MNS1: variants seen among roughly 807,000 people sequenced by gnomAD.
MNS1 encodes the protein meiosis specific nuclear structural 1.
MNS1 carries 63 observed loss-of-function variants against 72.0 expected under a neutral mutation model. The observed-to-expected ratio is 0.87, with a 90% CI of 0.71 to 1.08. MNS1 has a LOEUF of 1.08. MNS1 is among the 50% of genes least tolerant of loss of function. The pLI, the probability that MNS1 is intolerant of heterozygous loss-of-function variation, is 0.00. For missense variants in MNS1, 604 were observed against 562.4 expected, an observed-to-expected ratio of 1.07 and a Z score of -0.75; for synonymous variants, 188 against 172.1, an observed-to-expected ratio of 1.09 and a Z score of -0.72.
chr15:56,463,973 C>A (rs2051040386), intron 2 of MNS1, 53 bp downstream of exon 2: 3 of 1,414,514 alleles, frequency 2.1e-6, no homozygotes, highest in Non-Finnish European at 2.9e-6. Context: ...TGACTTTCAT[C>A]GTTTCCAAGG....
chr15:56,432,206 C>A (rs1793237835), intron 8 of MNS1, among the ~76,000 whole-genome samples: 1 of 152,138 alleles, frequency 6.6e-6, no homozygotes, highest in Non-Finnish European at 1.5e-5. Context: ...TGGGCTAATG[C>A]AGATTTTCCT....
chr15:56,440,650 A>G (rs1406908255), intron 7 of MNS1, among the ~76,000 whole-genome samples: 1 of 152,186 alleles, frequency 6.6e-6, no homozygotes, highest in East Asian at 1.9e-4. Context: ...GGAACAAATG[A>G]TCAATACAAG....
chr15:56,460,581 A>AAGT (rs1567154959), intron 2 of MNS1, among the ~76,000 whole-genome samples: 2 of 152,162 alleles, frequency 1.3e-5, no homozygotes, highest in African/African-American at 4.8e-5. Flanking sequence ...AGATGTTAAG[A>AAGT]AGTAGTCAGG....
intron 3 of MNS1, among the ~76,000 whole-genome samples, chr15:56,449,325 T>C (rs2050931915): frequency 6.6e-6 from 1 of 152,120 alleles, no homozygotes; most frequent in East Asian, 1.9e-4. Context: ...CTACACTCTT[T>C]TTATTAAATC....
chr15:56,456,250 A>C lies in MNS1; in HGVS notation c.353+144T>G, dbSNP rs1268134073. ...TCTTTTCTCAAATAAATATTTATAG[A>C]ACTTAAAGCAATAAGTATTTCCAGG... On this transcript the variant is annotated intron_variant, in intron 3 of 9. Coordinates refer to ENST00000260453, the MANE Select transcript of MNS1 (RefSeq NM_018365.4). The C allele has an allele frequency of 9.1e-6, 6 of 661,130 alleles. No individual in the cohort carries two copies. In the Admixed American group the frequency reaches 2.4e-4, roughly 27 times the overall value. 41.0% of individuals were successfully genotyped at this position (661,130 alleles called of 1,614,324 possible).
intron 3 of MNS1, among the ~76,000 whole-genome samples, chr15:56,449,336 A>G (rs1232259159): frequency 6.9e-6 from 1 of 144,844 alleles, no homozygotes; most frequent in Non-Finnish European, 1.5e-5. Context: ...TTATTAAATC[A>G]TAGAGTGATG....
At chr15:56,429,447 CTTCTACAAG>C in intron 9 of MNS1, 1 of 341,164 alleles carries the variant, frequency 2.9e-6, no homozygotes, top group Non-Finnish European at 5.2e-6. Context: ...AATCTGAGCT[CTTCTACAAG>C]TTCTACTGCT....
chr15:56,433,906 G>T (rs1364304613), intron 8 of MNS1, among the ~76,000 whole-genome samples: 1 of 151,804 alleles, frequency 6.6e-6, no homozygotes, highest in Non-Finnish European at 1.5e-5. Flanking sequence ...AAGTGACATG[G>T]ACTTAGTTTT....
At chr15:56,431,313 C>T (rs776726261) in intron 9 of MNS1, 60 bp downstream of exon 9, 103 of 1,572,898 alleles carry the variant, frequency 6.5e-5, no homozygotes, top group Non-Finnish European at 8.1e-5. Context: ...AATCCAAATA[C>T]CATGTTTTTT....
chr15:56,443,703 T>C lies in MNS1; in HGVS notation c.838A>G (p.Arg280Gly). ...IIEFANMQQQ[R>G]EEDRMAKVQE... ...ACTTTTGCCATCCGATCTTCTTCTC[T>C]TTGCTGCTGCATGTTAGCAAACTCT... Residue 280 changes from arginine (R) to glycine (G), a missense_variant, in exon 6 of 10, where the codon AGA becomes GGA. Physicochemically the swap from Arg to Gly is moderately radical, Grantham distance 125. Coordinates refer to ENST00000260453, the MANE Select transcript of MNS1 (RefSeq NM_018365.4). 1 of 1,613,574 alleles carries C rather than the reference T, an allele frequency of 6.2e-7. No individual in the cohort carries two copies. Among genetic ancestry groups the C allele is most frequent in the Non-Finnish European group, 8.5e-7 (1 of 1,179,786 alleles).
At chr15:56,430,998 C>T (rs2050576098) in intron 9 of MNS1, among the ~76,000 whole-genome samples, 1 of 152,034 alleles carries the variant, frequency 6.6e-6, no homozygotes, top group Non-Finnish European at 1.5e-5. Flanking sequence ...CTGTCCTTAC[C>T]AAAAATACAA....
At chr15:56,446,762 A>G (rs1442829361) in intron 4 of MNS1, 79 bp downstream of exon 4, 2 of 1,052,308 alleles carry the variant, frequency 1.9e-6, no homozygotes, top group Admixed American at 2.2e-5. Context: ...TTTATACAAT[A>G]TGACAATTTT....
chr15:56,431,376 A>G lies in MNS1; in HGVS notation c.1392T>C (p.Pro464=). The stretch of plus-strand genomic sequence containing the variant: ...ACTTGAGATAAATCTCACTTACTTT[A>G]GGGAGATAGCCTAGTAAGTTTGTAG... The part of the protein sequence containing the change: ...EHATNLLGYL[P]KGVFKKEDDI... Residue 464 remains proline, a synonymous_variant, in exon 9 of 10, where the codon CCT becomes CCC. Transcript: ENST00000260453. 1 of 1,611,194 alleles carries G rather than the reference A, an allele frequency of 6.2e-7. No individual in the cohort carries two copies. Among genetic ancestry groups the G allele is most frequent in the African/African-American group, 1.3e-5 (1 of 74,892 alleles).
chr15:56,433,421 A>AT (rs1567147030), intron 8 of MNS1, among the ~76,000 whole-genome samples: 1 of 150,494 alleles, frequency 6.6e-6, no homozygotes, highest in Admixed American at 6.6e-5. Flanking sequence ...GGAACTTAAA[A>AT]ATATTAAAAA....
chr15:56,436,176 CTTA>C (rs1242521151), intron 7 of MNS1, among the ~76,000 whole-genome samples: 2 of 152,164 alleles, frequency 1.3e-5, no homozygotes, highest in African/African-American at 2.4e-5. Flanking sequence ...CCACACCGCA[CTTA>C]TTCCAAAGTT....
intron 7 of MNS1, among the ~76,000 whole-genome samples, chr15:56,434,670 G>A (rs705450): frequency 0.9 from 136,983 of 152,148 alleles, 61,692 homozygotes; most frequent in Middle Eastern, 0.96. Context: ...AACTGCTTTG[G>A]AAAGAGCTGT....
chr15:56,460,009 A>AAAAAAATATATATATATATATATAT lies in MNS1; in HGVS notation c.226-3489_226-3488insATATATATATATATATATATTTTTT. The stretch of plus-strand genomic sequence containing the variant: ...CTGTCTCAAAAAAAAAAAAAAAAAA[A>AAAAAAATATATATATATATATATAT]ATACATATATATATATATATATATA... On this transcript the variant is annotated intron_variant, in intron 2 of 9. Transcript: ENST00000260453. Among the ~76,000 whole-genome samples, 26 of 26,378 alleles carry AAAAAAATATATATATATATATATAT rather than the reference A, an allele frequency of 9.9e-4. 6 individuals are homozygous for AAAAAAATATATATATATATATATAT. The highest frequency in any genetic ancestry group is 1.7e-3 in the Admixed American group (3 of 1,800). The allele number at this position is 26,378 out of a possible 152,430, so 17.3% of individuals were successfully genotyped here.
In MNS1 at chr15:56,462,327, C is replaced by CT. The variant is rs758672077; in HGVS notation, c.225+1698dup. 2.0e-5 allele frequency among the ~76,000 whole-genome samples: 3 copies of CT among 152,302 alleles called. 1 individual carries two copies. The highest frequency in any genetic ancestry group is 6.5e-5 in the Admixed American group (1 of 15,308). On this transcript the variant is annotated intron_variant, in intron 2 of 9. Coordinates refer to ENST00000260453, the MANE Select transcript of MNS1 (RefSeq NM_018365.4). The stretch of plus-strand genomic sequence containing the variant: ...GAACCTTTACAGTGGAGAAACCAGA[C>CT]TGTCTTCCTAAACCCACTGATCAAT...
At chr15:56,458,284 CT>C (rs1295863007) in intron 2 of MNS1, among the ~76,000 whole-genome samples, 1 of 151,646 alleles carries the variant, frequency 6.6e-6, no homozygotes, top group Non-Finnish European at 1.5e-5. Context: ...GTTCCAGAGC[CT>C]TAAAAAAAAT....
Sources: allele counts gnomAD v4.1 joint callset (sites outside exome capture counted in the v4.1 genomes callset), GRCh38; gene constraint gnomAD v4.1.1; transcripts MANE v1.5; gene names NCBI Gene and HGNC (gene_info 2026-07-23, HGNC 2026-07-21).